Variants in ZNF346 observed in about 807,000 individuals in gnomAD.
ZNF346 encodes zinc finger protein 346.
A neutral mutation model predicts 33.7 loss-of-function variants in ZNF346; 23 were observed. The ratio of observed to expected loss-of-function variants is 0.68; its 90% CI spans 0.49 to 0.97. The LOEUF is 0.97. Ranked by LOEUF, ZNF346 falls within the 50% of genes least tolerant of loss-of-function variation. The pLI, the probability that ZNF346 is intolerant of heterozygous loss-of-function variation, is 0.00. For synonymous variants in ZNF346, 134 were observed against 142.4 expected (o/e 0.94, Z 0.42); for missense variants, 340 against 371.1 (o/e 0.92, Z 0.69).
Position 177,077,305 on chromosome 5 carries a change from G to A in ZNF346, c.*3-2077G>A, listed in dbSNP as rs888101074. Among the ~76,000 whole-genome samples, 1 of 152,184 alleles carries A rather than the reference G, an allele frequency of 6.6e-6. No individual in the cohort carries two copies. The highest frequency in any genetic ancestry group is 2.4e-5 in the African/African-American group (1 of 41,454). On this transcript the variant is annotated intron_variant, in intron 8 of 8. Transcript: ENST00000503039. This position sits in a 1 kb window ranked among gnomAD's most constrained non-coding sequence, Gnocchi z 5.0. ...CAAAGAGCCAACAGAGGAGAGTGGA[G>A]ACACAAAGGAAGGGTGTTCTACTGA...
At chr5:177,030,201 C>G (rs894694372) in intron 1 of ZNF346, among the ~76,000 whole-genome samples, 1 of 152,128 alleles carries the variant, frequency 6.6e-6, no homozygotes, top group Non-Finnish European at 1.5e-5. Context: ...AAAATTTCTT[C>G]TTTGATACAT....
chr5:177,043,838 G>A (rs1779692394), intron 3 of ZNF346, among the ~76,000 whole-genome samples: 1 of 152,100 alleles, frequency 6.6e-6, no homozygotes, highest in Non-Finnish European at 1.5e-5. Context: ...CCAGCTGGGT[G>A]TGAAGGATAA....
At position 177,066,724 on chromosome 5, in the gene ZNF346, A is replaced by G. The variant is rs1304355553; in HGVS notation, c.*2125A>G. ...TAACCACTGCACTCCAGCCAGGGCA[A>G]CATAACAAGACTCTATCTAAAAAAA... On this transcript the variant is annotated 3_prime_UTR_variant, in exon 7 of 7. Coordinates refer to ENST00000358149, the MANE Select transcript of ZNF346 (RefSeq NM_012279.4). Among the ~76,000 whole-genome samples the G allele has an allele frequency of 6.6e-6, 1 of 151,866 alleles. No homozygotes were observed. The highest frequency in any genetic ancestry group is 2.4e-5 in the African/African-American group (1 of 41,362).
intron 5 of ZNF346, chr5:177,051,786 C>A (rs1428428480): frequency 2.6e-5 from 4 of 152,170 alleles, no homozygotes; most frequent in African/African-American, 9.7e-5. Flanking sequence ...ATCCGTCCGC[C>A]TCGGCCTCCC....
At chr5:177,044,177 C>T in intron 3 of ZNF346, 1 of 534,174 alleles carries the variant, frequency 1.9e-6, no homozygotes, top group Non-Finnish European at 3.2e-6. Context: ...GCAGGAATGG[C>T]CAAAGCAAAG....
At chr5:177,048,565 G>C (rs1316354470) in intron 4 of ZNF346, among the ~76,000 whole-genome samples, 1 of 152,094 alleles carries the variant, frequency 6.6e-6, no homozygotes, top group East Asian at 1.9e-4. Flanking sequence ...AGGTTGCAGT[G>C]AGTCAAGATC....
intron 1 of ZNF346, among the ~76,000 whole-genome samples, chr5:177,035,001 C>CT (rs1171831605): frequency 2.6e-5 from 4 of 151,254 alleles, no homozygotes; most frequent in Admixed American, 2.0e-4. Flanking sequence ...TAGTGATTTT[C>CT]TTTTTCTTTT....
chr5:177,057,328 A>AGTTTT (rs10691033), intron 5 of ZNF346, among the ~76,000 whole-genome samples: 135,976 of 151,690 alleles, frequency 0.9, 61,067 homozygotes, highest in East Asian at 0.99. Flanking sequence ...TTTTCTTTTA[A>AGTTTT]GTTTTTTCTC....
chr5:177,075,322 G>A (rs1027569789), intron 8 of ZNF346, among the ~76,000 whole-genome samples: 1 of 152,060 alleles, frequency 6.6e-6, no homozygotes, highest in South Asian at 2.1e-4. Flanking sequence ...AAAATGGCTT[G>A]ATCCCAGGAG....
intron 6 of ZNF346, among the ~76,000 whole-genome samples, chr5:177,062,746 C>T (rs1782697630): frequency 6.6e-6 from 1 of 152,174 alleles, no homozygotes; most frequent in Non-Finnish European, 1.5e-5. Flanking sequence ...ATTCATTGAG[C>T]CCCTCTTCTG....
chr5:177,046,300 CAAAAA>C (rs34466141), intron 4 of ZNF346, among the ~76,000 whole-genome samples: 1 of 102,140 alleles, frequency 9.8e-6, no homozygotes, highest in Non-Finnish European at 2.0e-5. Flanking sequence ...GACCTCGTCT[CAAAAA>C]AAAAAAAAAA....
intron 1 of ZNF346, among the ~76,000 whole-genome samples, chr5:177,029,646 G>T (rs1444242840): frequency 1.3e-5 from 2 of 152,192 alleles, no homozygotes; most frequent in Non-Finnish European, 2.9e-5. Flanking sequence ...AGTATACTTG[G>T]AAGAGGACCA....
At chr5:177,038,889 TGTG>T (rs1778960918) in intron 1 of ZNF346, among the ~76,000 whole-genome samples, 2 of 150,808 alleles carry the variant, frequency 1.3e-5, no homozygotes, top group African/African-American at 4.9e-5. Context: ...TGTGTGTGTG[TGTG>T]TGTGTGTGTG....
At chr5:177,036,781 TTTC>T (rs1778574479) in intron 1 of ZNF346, among the ~76,000 whole-genome samples, 1 of 152,116 alleles carries the variant, frequency 6.6e-6, no homozygotes, top group South Asian at 2.1e-4. Flanking sequence ...AGCTATTTGT[TTTC>T]ATGGCTAGCA....
intron 8 of ZNF346, among the ~76,000 whole-genome samples, chr5:177,073,889 A>G (rs1358866605): frequency 6.6e-6 from 1 of 152,072 alleles, no homozygotes; most frequent in Non-Finnish European, 1.5e-5. Flanking sequence ...TGCTTTGATC[A>G]GAGAATTCAG....
intron 5 of ZNF346, among the ~76,000 whole-genome samples, chr5:177,054,075 A>ATTTT (rs35038931): frequency 1.4e-5 from 2 of 143,622 alleles, no homozygotes; most frequent in East Asian, 2.0e-4. Flanking sequence ...TACTTCTGGA[A>ATTTT]TTTTTTTTTT....
At position 177,050,623 on chromosome 5, in the gene ZNF346, GC is replaced by G. The variant is rs796554319; in HGVS notation, c.518-125del. The G allele has an allele frequency of 1.1e-4, 106 of 947,658 alleles. No homozygotes were observed. The African/African-American group carries it at 1.5e-3, about 13-fold the overall frequency. 58.7% of individuals were successfully genotyped at this position (947,658 alleles called of 1,614,324 possible). ...TGCAGTAGGATTAACTGGTGTCACA[GC>G]CCTTTCTATTCAGCATACTCAAAAG... On this transcript the variant is annotated intron_variant, in intron 4 of 6. Transcript: ENST00000358149.
chr5:177,040,810 G>T (rs567603743), intron 1 of ZNF346, among the ~76,000 whole-genome samples: 56 of 152,238 alleles, frequency 3.7e-4, no homozygotes, highest in African/African-American at 1.3e-3. Flanking sequence ...TCTTCCTGGG[G>T]AATGCTCCAA....
At chr5:177,075,983 G>A (rs914998217) in intron 8 of ZNF346, among the ~76,000 whole-genome samples, 3 of 152,060 alleles carry the variant, frequency 2.0e-5, no homozygotes, top group Admixed American at 6.6e-5. Context: ...CACCACGCCC[G>A]TCTGGCTAAT....
Sources: gnomAD v4.1 joint callset for allele counts (sites outside exome capture counted in the v4.1 genomes callset) on GRCh38, gnomAD v4.1.1 for gene constraint, Gnocchi (gnomAD v3.1) non-coding constraint, MANE v1.5 for transcripts, NCBI Gene and HGNC (gene_info 2026-07-23, HGNC 2026-07-21) for gene names.